The following ULK4 variants were observed in gnomAD, a reference collection of about 807,000 sequenced individuals.
The protein encoded by ULK4 is unc-51 like kinase 4, also known as inactive serine/threonine-protein kinase ULK4.
ULK4 carries 133 observed loss-of-function variants against 160.6 expected under a neutral mutation model. The ratio of observed to expected loss-of-function variants is 0.83; its 90% CI spans 0.72 to 0.96. ULK4 has a LOEUF of 0.96. Ranked by LOEUF, ULK4 falls within the 40% of genes least tolerant of loss-of-function variation. The pLI is 0.00. For missense variants in ULK4, 1,580 were observed against 1,499.5 expected (o/e 1.05, Z -0.89); for synonymous variants, 534 against 539.8 (o/e 0.99, Z 0.15).
chr3:41,351,201 C>T (rs896081125), intron 35 of ULK4, among the ~76,000 whole-genome samples: 1 of 152,068 alleles, frequency 6.6e-6, no homozygotes, highest in Non-Finnish European at 1.5e-5. Context: ...CTTGATATAC[C>T]CCCTGAAAAA....
At chr3:41,903,449 G>A (rs563160438) in intron 12 of ULK4, among the ~76,000 whole-genome samples, 2 of 152,112 alleles carry the variant, frequency 1.3e-5, no homozygotes, top group Non-Finnish European at 2.9e-5. Context: ...GCTGGGTGTG[G>A]TGGCGGGTGC....
intron 10 of ULK4, 62 bp downstream of exon 10, chr3:41,911,479 G>C: frequency 6.3e-7 from 1 of 1,585,772 alleles, no homozygotes; most frequent in African/African-American, 1.3e-5. Flanking sequence ...ACATAACACT[G>C]AAATTAGGAA....
At chr3:41,744,558 T>C (rs2038353784) in intron 22 of ULK4, among the ~76,000 whole-genome samples, 1 of 151,720 alleles carries the variant, frequency 6.6e-6, no homozygotes, top group Non-Finnish European at 1.5e-5. Context: ...GCAAAATTTG[T>C]TAGAAAGCAA....
chr3:41,884,414 C>A (rs1470245103), intron 16 of ULK4, among the ~76,000 whole-genome samples: 1 of 152,090 alleles, frequency 6.6e-6, no homozygotes, highest in Non-Finnish European at 1.5e-5. Context: ...GAAATTTTTA[C>A]AATCAAGTTT....
chr3:41,811,057 AT>A lies in ULK4; in HGVS notation c.1848+8365del, dbSNP rs987436209. Among the ~76,000 whole-genome samples the A allele has an allele frequency of 2.7e-5, 4 of 147,434 alleles. No individual in the cohort carries two copies. The East Asian group carries it at 6.0e-4, about 22-fold the overall frequency. ...CACCACTACACTGGGCTAATTTTAAATTTTTTTTTTGTAGTGATGGAGTCTC... is the reference window on the plus strand; with the variant it reads ...CACCACTACACTGGGCTAATTTTAAATTTTTTTTTGTAGTGATGGAGTCTC... On this transcript the variant is annotated intron_variant, in intron 19 of 36. Transcript: ENST00000301831.
At chr3:41,700,552 A>G (rs2036640102) in intron 27 of ULK4, among the ~76,000 whole-genome samples, 1 of 152,192 alleles carries the variant, frequency 6.6e-6, no homozygotes, top group Non-Finnish European at 1.5e-5. Context: ...GATCTGAGGT[A>G]CTGTCCCAAT....
chr3:41,782,353 C>G (rs1349089797), intron 21 of ULK4, among the ~76,000 whole-genome samples: 1 of 152,080 alleles, frequency 6.6e-6, no homozygotes, highest in Admixed American at 6.6e-5. Flanking sequence ...ACTCTGATGT[C>G]AGAAGACAAA....
intron 27 of ULK4, among the ~76,000 whole-genome samples, chr3:41,686,377 G>A (rs2036101906): frequency 6.6e-6 from 1 of 152,218 alleles, no homozygotes; most frequent in Non-Finnish European, 1.5e-5. Context: ...ACGTGTTATT[G>A]TCATTGCTGT....
chr3:41,414,778 G>GT (rs2082488112), intron 34 of ULK4, among the ~76,000 whole-genome samples: 1 of 152,238 alleles, frequency 6.6e-6, no homozygotes, highest in African/African-American at 2.4e-5. Context: ...ATGAATGGTG[G>GT]TAATTCCAGA....
At chr3:41,395,874 T>G (rs2082048603) in intron 35 of ULK4, among the ~76,000 whole-genome samples, 1 of 152,182 alleles carries the variant, frequency 6.6e-6, no homozygotes, top group South Asian at 2.1e-4. Flanking sequence ...ATCACTTGGA[T>G]TCAACTTTTC....
At chr3:41,632,037 G>C (rs752080184) in intron 30 of ULK4, among the ~76,000 whole-genome samples, 53 of 152,082 alleles carry the variant, frequency 3.5e-4, no homozygotes, top group Admixed American at 8.5e-4. Flanking sequence ...TTTCTCTAAT[G>C]ATTCTTTGAA....
At chr3:41,300,940 G>A (rs1282561761) in intron 35 of ULK4, among the ~76,000 whole-genome samples, 1 of 143,838 alleles carries the variant, frequency 7.0e-6, no homozygotes, top group Non-Finnish European at 1.5e-5. Context: ...ACAGGGAAGT[G>A]GTTGAATACA....
At chr3:41,433,782 C>A (rs1817924) in intron 34 of ULK4, among the ~76,000 whole-genome samples, 1 of 151,988 alleles carries the variant, frequency 6.6e-6, no homozygotes, top group East Asian at 1.9e-4. Flanking sequence ...TGCAATGGCG[C>A]GATCCAGGCT....
intron 32 of ULK4, among the ~76,000 whole-genome samples, chr3:41,536,859 T>TCTGA (rs36049500): frequency 0.51 from 77,212 of 151,480 alleles, 19,743 homozygotes; most frequent in Middle Eastern, 0.57. Context: ...TCATAATTTG[T>TCTGA]CTTTTTGTTT....
chr3:41,897,498 G>A (rs116157228), intron 14 of ULK4, among the ~76,000 whole-genome samples: 341 of 152,116 alleles, frequency 2.2e-3, no homozygotes, highest in African/African-American at 8.0e-3. Context: ...GCAAAATCTA[G>A]GAAATGTGAT....
chr3:41,407,641 T>C (rs1290612631), intron 34 of ULK4, among the ~76,000 whole-genome samples: 6 of 152,286 alleles, frequency 3.9e-5, no homozygotes, highest in East Asian at 1.9e-4. Context: ...ATCCTCTCAA[T>C]AGTCACAAAA....
In ULK4 at chr3:41,898,500, TTAAAA is replaced by T. The variant is rs1307998369; in HGVS notation, c.1288-13_1288-9del. The T allele has an allele frequency of 1.4e-6, 2 of 1,443,734 alleles. No homozygotes were observed. The highest frequency in any genetic ancestry group is 1.9e-6 in the Non-Finnish European group (2 of 1,057,402). 89.4% of individuals were successfully genotyped at this position (1,443,734 alleles called of 1,614,324 possible). A position where few individuals can be genotyped will look rare whatever the true frequency, so the allele number is the denominator to read the frequency against. ...TGGTGGCTGTTTCATTATCTGTGGT[TTAAAA>T]AAAAAGAAAGCTTTTGAGACAATTT... On this transcript the variant is annotated splice_polypyrimidine_tract_variant and intron_variant, in intron 13 of 36. Coordinates refer to ENST00000301831, the MANE Select transcript of ULK4 (RefSeq NM_017886.4).
At chr3:41,425,776 G>T (rs773274810) in intron 34 of ULK4, among the ~76,000 whole-genome samples, 22 of 152,260 alleles carry the variant, frequency 1.4e-4, no homozygotes, top group Middle Eastern at 3.4e-3. Context: ...GCTCCTGAAG[G>T]AAGCACTAAA....
intron 11 of ULK4, among the ~76,000 whole-genome samples, chr3:41,908,637 G>C (rs1350328860): frequency 1.3e-5 from 2 of 151,728 alleles, no homozygotes; most frequent in Admixed American, 6.6e-5. Context: ...GTAGAGACAG[G>C]GTTTCACCAT....
Sources: gnomAD v4.1 joint callset for allele counts (sites outside exome capture counted in the v4.1 genomes callset) on GRCh38, gnomAD v4.1.1 for gene constraint, MANE v1.5 for transcripts, NCBI Gene and HGNC (gene_info 2026-07-23, HGNC 2026-07-21) for gene names.